The following BMP1 variants were observed in gnomAD, a reference collection of about 807,000 sequenced individuals.
BMP1 encodes the protein mammalian tolloid protein.
A neutral mutation model predicts 116.8 loss-of-function variants in BMP1; 63 were observed. The observed-to-expected ratio is 0.54, with a 90% confidence interval of 0.44 to 0.67. The LOEUF (loss-of-function observed/expected upper bound fraction) is 0.67. Among genes scored for constraint, BMP1 ranks in the 30% least tolerant of loss-of-function variants. BMP1 has a pLI of 0.00. For synonymous variants in BMP1, 536 were observed against 533.4 expected (o/e 1.00, Z -0.07); for missense variants, 1,183 against 1,358.9 (o/e 0.87, Z 2.04).
In BMP1 at chr8:22,196,104, T is replaced by C. The variant is rs910353579; in HGVS notation, c.1765+517T>C. 48 of 477,704 alleles carry C rather than the reference T, an allele frequency of 1.0e-4. 1 individual carries two copies. Among genetic ancestry groups the C allele is most frequent in the South Asian group, 7.3e-4 (48 of 65,964 alleles). 29.6% of individuals were successfully genotyped at this position (477,704 alleles called of 1,614,324 possible). A position where few individuals can be genotyped will look rare whatever the true frequency, so the allele number is the denominator to read the frequency against. Reference sequence around the variant, plus strand: ...TTCTGGCTTTGGGTTTGTTTTGTTTTTTCATTCTTGGGGTGTTTTCGGGTT... The same window carrying C: ...TTCTGGCTTTGGGTTTGTTTTGTTTCTTCATTCTTGGGGTGTTTTCGGGTT... On this transcript the variant is annotated intron_variant, in intron 13 of 19. Coordinates refer to ENST00000306385, the MANE Select transcript of BMP1 (RefSeq NM_006129.5).
In BMP1 at chr8:22,178,380, C is replaced by T. The variant is rs116400925; in HGVS notation, c.836+423C>T. On this transcript the variant is annotated intron_variant, in intron 6 of 19. Coordinates refer to ENST00000306385, the MANE Select transcript of BMP1 (RefSeq NM_006129.5). Reference sequence around the variant, plus strand: ...TCATGGCTCACTGCAGCCTCAAACTCCTAGGCTCAAGGAATCGTCCCGTCT... The same window carrying T: ...TCATGGCTCACTGCAGCCTCAAACTTCTAGGCTCAAGGAATCGTCCCGTCT... 5.1e-3 allele frequency among the ~76,000 whole-genome samples: 782 copies of T among 152,322 alleles called. 11 individuals carry two copies. Among genetic ancestry groups the T allele is most frequent in the African/African-American group, 0.018 (745 of 41,552 alleles).
At chr8:22,210,367 CT>C (rs1198888155) in intron 19 of BMP1, among the ~76,000 whole-genome samples, 6,050 of 118,374 alleles carry the variant, frequency 0.051, 256 homozygotes, top group African/African-American at 0.17. Flanking sequence ...GCCTCTTCTT[CT>C]TTTTTTTTTT....
Position 22,179,873 on chromosome 8 carries a change from C to T in BMP1, c.961+44C>T, listed in dbSNP as rs1289580599. 1 of 1,577,248 alleles carries T rather than the reference C, an allele frequency of 6.3e-7. No homozygotes were observed. Among genetic ancestry groups the T allele is most frequent in the Non-Finnish European group, 8.6e-7 (1 of 1,157,446 alleles). ...TGGGTGAGGGCGTGGAGGGCAGGGC[C>T]TGAGGGAGGCAGAGGCCAGGTGCCT... is the stretch of plus-strand genomic sequence containing the variant. On this transcript the variant is annotated intron_variant, in intron 7 of 19. Coordinates refer to ENST00000306385, the MANE Select transcript of BMP1 (RefSeq NM_006129.5). This position sits in a 1 kb window ranked among gnomAD's most constrained non-coding sequence, Gnocchi z 4.6.
At chr8:22,169,043 C>G (rs991057626) in intron 1 of BMP1, among the ~76,000 whole-genome samples, 1 of 152,092 alleles carries the variant, frequency 6.6e-6, no homozygotes, top group Admixed American at 6.5e-5. Flanking sequence ...GTGTCATGCA[C>G]CCGTAGTCCC....
At chr8:22,205,930 G>A (rs986309176) in intron 16 of BMP1, among the ~76,000 whole-genome samples, 1 of 152,180 alleles carries the variant, frequency 6.6e-6, no homozygotes, top group African/African-American at 2.4e-5. Context: ...GGAACCGAGA[G>A]GCCGTCTTGG....
intron 1 of BMP1, among the ~76,000 whole-genome samples, chr8:22,173,377 A>G (rs565269106): frequency 6.6e-6 from 1 of 152,328 alleles, no homozygotes; most frequent in South Asian, 2.1e-4. Context: ...GGGGCTGAGC[A>G]TCAGCTTTAC....
intron 18 of BMP1, among the ~76,000 whole-genome samples, 172 bp downstream of exon 18, chr8:22,207,688 G>A (rs943827118): frequency 2.0e-5 from 3 of 152,174 alleles, no homozygotes; most frequent in African/African-American, 7.2e-5. Flanking sequence ...GGGGGGCAGG[G>A]ATAGGAGGGT....
In BMP1 at chr8:22,177,705, T is replaced by A. The variant is rs755867099; in HGVS notation, c.731-147T>A. 2.2e-5 allele frequency: 17 copies of A among 772,158 alleles called. No homozygotes were observed. The South Asian group carries it at 2.3e-4, about 11-fold the overall frequency. The allele number at this position is 772,158 out of a possible 1,614,324, so 47.8% of individuals were successfully genotyped here. A position where few individuals can be genotyped will look rare whatever the true frequency, so the allele number is the denominator to read the frequency against. ...CTGAGACCCTCCCCATTCCCCAGGC[T>A]CCCCTTGGCTGCTCCCCGGACCCTC... On this transcript the variant is annotated intron_variant, in intron 5 of 19. Coordinates refer to ENST00000306385, the MANE Select transcript of BMP1 (RefSeq NM_006129.5).
intron 8 of BMP1, among the ~76,000 whole-genome samples, chr8:22,183,806 C>T (rs775838624): frequency 1.3e-5 from 2 of 152,090 alleles, no homozygotes; most frequent in Non-Finnish European, 2.9e-5. Flanking sequence ...GAACTCCCGA[C>T]CTGAGGTGAT....
chr8:22,173,188 C>T (rs1828331176), intron 1 of BMP1, among the ~76,000 whole-genome samples: 1 of 152,128 alleles, frequency 6.6e-6, no homozygotes, highest in Non-Finnish European at 1.5e-5. Context: ...GTGGCTCACA[C>T]CTGTATTCCC....
chr8:22,192,204 C>T, intron 9 of BMP1, 53 bp downstream of exon 9: 3 of 1,464,224 alleles, frequency 2.0e-6, no homozygotes. Flanking sequence ...CTCTCTGAGC[C>T]ACCCTCATCA....
chr8:22,208,617 G>A (rs138120024), intron 18 of BMP1, among the ~76,000 whole-genome samples: 4 of 152,252 alleles, frequency 2.6e-5, no homozygotes, highest in South Asian at 2.1e-4. Flanking sequence ...TACTTTGGCC[G>A]AAGCAATGGG....
intron 4 of BMP1, 88 bp from the exon 5 acceptor site, chr8:22,176,872 CG>C: frequency 8.2e-7 from 1 of 1,219,896 alleles, no homozygotes; most frequent in Non-Finnish European, 1.1e-6. Flanking sequence ...GCTCCCCTGC[CG>C]CCCCGCCCCC....
Position 22,195,671 on chromosome 8 carries a change from G to A in BMP1, c.1765+84G>A, listed in dbSNP as rs1309933763. 3.3e-6 allele frequency: 5 copies of A among 1,531,840 alleles called. No individual in the cohort carries two copies. In the East Asian group the frequency reaches 9.4e-5, roughly 29 times the overall value. 94.9% of individuals were successfully genotyped at this position (1,531,840 alleles called of 1,614,324 possible). ...CAGAATTTTTTTTTTTTTTAGACAG[G>A]CTTTTGCTCTGTCACCCAGGCTGGA... is the stretch of plus-strand genomic sequence containing the variant. On this transcript the variant is annotated intron_variant, in intron 13 of 19. Transcript: ENST00000306385.
At chr8:22,190,712 C>G (rs1477162831) in intron 8 of BMP1, among the ~76,000 whole-genome samples, 1 of 152,198 alleles carries the variant, frequency 6.6e-6, no homozygotes, top group African/African-American at 2.4e-5. Context: ...GAGCTCCTCC[C>G]CGACTAGCAT....
In BMP1 at chr8:22,179,749, G is replaced by C; in HGVS notation, c.881G>C (p.Gly294Ala). 1 of 1,614,102 alleles carries C rather than the reference G, an allele frequency of 6.2e-7. No individual in the cohort carries two copies. Among genetic ancestry groups the C allele is most frequent in the Non-Finnish European group, 8.5e-7 (1 of 1,179,996 alleles). The part of the protein sequence containing the change: ...DTIVPKYEVN[G>A]VKPPIGQRTR... ...ATTGTCCCCAAGTATGAGGTGAACG[G>C]GGTGAAACCTCCCATTGGCCAAAGG... The change falls in exon 7 of 20, where the codon GGG (glycine) becomes GCG (alanine). Residue 294 changes from glycine to alanine, a missense_variant. Gly to Ala is a moderately conservative substitution (Grantham distance 60). This residue lies in a region of BMP1 where 956 missense variants were observed against 1,135.2 expected (regional missense o/e 0.84). Transcript: ENST00000306385. This position sits in a 1 kb window ranked among gnomAD's most constrained non-coding sequence, Gnocchi z 4.6.
At chr8:22,197,557 A>T in intron 15 of BMP1, 137 bp downstream of exon 15, 1 of 932,636 alleles carries the variant, frequency 1.1e-6, no homozygotes, top group East Asian at 2.5e-5. Context: ...GCTCCCCACC[A>T]CTTCACTCTC....
At chr8:22,206,104 C>T (rs1191713843) in intron 16 of BMP1, among the ~76,000 whole-genome samples, 11 of 152,196 alleles carry the variant, frequency 7.2e-5, no homozygotes, top group South Asian at 6.2e-4. Context: ...CAGTGGCTCA[C>T]GCCTGTAATC....
In BMP1 at chr8:22,194,771, C is replaced by T. The variant is rs372218480; in HGVS notation, c.1491C>T (p.Asp497=). 45 of 1,613,370 alleles carry T rather than the reference C, an allele frequency of 2.8e-5. No individual in the cohort carries two copies. Among genetic ancestry groups the T allele is most frequent in the Admixed American group, 2.2e-4 (13 of 59,858 alleles). The change falls in exon 12 of 20, where the codon GAC becomes GAT. Residue 497 remains aspartate, a synonymous_variant. Transcript: ENST00000306385. The surrounding 1 kb of genome is among the most constrained non-coding windows in gnomAD (Gnocchi z 4.5). Reference sequence around the variant, plus strand: ...CCTACGACTATCTGGAGGTGCGCGACGGGCACAGTGAGAGCAGCACCCTCA... The same window carrying T: ...CCTACGACTATCTGGAGGTGCGCGATGGGCACAGTGAGAGCAGCACCCTCA... ...SCAYDYLEVR[D]GHSESSTLIG...
Sources: allele counts gnomAD v4.1 joint callset (sites outside exome capture counted in the v4.1 genomes callset), GRCh38; gene constraint gnomAD v4.1.1; regional missense constraint gnomAD v4.1.1; non-coding constraint Gnocchi (gnomAD v3.1); transcripts MANE v1.5; gene names NCBI Gene and HGNC (gene_info 2026-07-23, HGNC 2026-07-21).